The following RNF10 variants were observed in gnomAD, a reference collection of about 807,000 sequenced individuals.
The protein encoded by RNF10 is E3 ubiquitin-protein ligase RNF10.
RNF10 carries 38 observed loss-of-function variants against 91.4 expected under a neutral mutation model. That is an observed-to-expected ratio of 0.42 (90% confidence interval 0.32 to 0.54). RNF10 has a LOEUF of 0.54. Ranked by LOEUF, RNF10 falls within the 20% of genes least tolerant of loss-of-function variation. The pLI is 0.16. For missense variants in RNF10, 945 were observed against 1,012.0 expected, an observed-to-expected ratio of 0.93 and a Z score of 0.90; for synonymous variants, 364 against 366.3, an observed-to-expected ratio of 0.99 and a Z score of 0.07.
intron 1 of RNF10, 59 bp downstream of exon 1, chr12:120,535,027 G>A: frequency 6.7e-7 from 1 of 1,495,448 alleles, no homozygotes; most frequent in South Asian, 1.2e-5. Context: ...GGGGAGAGTC[G>A]TTGCTCTCAT....
At chr12:120,574,519 T>C in intron 14 of RNF10, 1 of 456,114 alleles carries the variant, frequency 2.2e-6, no homozygotes, top group Non-Finnish European at 4.4e-6. Context: ...AAGGAGCTAT[T>C]GGAAAAGCAG....
intron 2 of RNF10, among the ~76,000 whole-genome samples, chr12:120,549,947 T>C (rs1872802891): frequency 6.6e-6 from 1 of 151,598 alleles, no homozygotes; most frequent in African/African-American, 2.4e-5. Flanking sequence ...GGGGAAGGAG[T>C]GTATTCCGGT....
At chr12:120,552,395 G>A (rs1294350639) in intron 2 of RNF10, 104 bp from the exon 3 acceptor site, 13 of 923,796 alleles carry the variant, frequency 1.4e-5, no homozygotes, top group South Asian at 3.3e-5. Context: ...GTAAGACTCC[G>A]TCTCAAAAAA....
intron 3 of RNF10, among the ~76,000 whole-genome samples, 167 bp downstream of exon 3, chr12:120,552,865 C>T (rs1873325209): frequency 6.6e-6 from 1 of 152,004 alleles, no homozygotes; most frequent in Non-Finnish European, 1.5e-5. Flanking sequence ...CTTTTACCCA[C>T]TTTCCAGGTG....
intron 3 of RNF10, among the ~76,000 whole-genome samples, chr12:120,553,401 CTTTTTTTTTTTT>C (rs1243050601): frequency 1.1e-5 from 1 of 95,060 alleles, no homozygotes; most frequent in Non-Finnish European, 2.1e-5. Flanking sequence ...AAGAGGAATT[CTTTTTTTTTTTT>C]TTTTTTTGAG....
chr12:120,549,955 G>T (rs995817931), intron 2 of RNF10, among the ~76,000 whole-genome samples: 1 of 152,070 alleles, frequency 6.6e-6, no homozygotes, highest in South Asian at 2.1e-4. Context: ...AGTGTATTCC[G>T]GTCTGGACAA....
In RNF10 at chr12:120,534,778, G is replaced by T. The variant is rs1166077185; in HGVS notation, c.-34G>T. On this transcript the variant is annotated 5_prime_UTR_variant, in exon 1 of 17. Coordinates refer to ENST00000325954, the MANE Select transcript of RNF10 (RefSeq NM_014868.5). ...CCTGGGTCCCCGCCGCGCCCGCTCC[G>T]CTCCGACTGCCGTCGCCGCCGAGGC... 1.3e-6 allele frequency: 2 copies of T among 1,537,418 alleles called. No individual in the cohort carries two copies. Among genetic ancestry groups the T allele is most frequent in the Middle Eastern group, 1.7e-4 (1 of 5,880 alleles).
intron 14 of RNF10, among the ~76,000 whole-genome samples, chr12:120,573,717 G>A (rs1027560911): frequency 6.6e-6 from 1 of 152,130 alleles, no homozygotes; most frequent in Admixed American, 6.6e-5. Context: ...GAGATCACAT[G>A]GCTAAAGAGG....
rs1238063463 is a variant in RNF10 at position 120,545,656 on chromosome 12, G to A, written c.158-749G>A. 2.6e-5 allele frequency among the ~76,000 whole-genome samples: 4 copies of A among 152,094 alleles called. No individual in the cohort carries two copies. In the South Asian group the frequency reaches 8.3e-4, roughly 32 times the overall value. On this transcript the variant is annotated intron_variant, in intron 1 of 16. Transcript: ENST00000325954. ...AGGTTCAAGCAGTTCTCCTGCCTCAGCCTCCCAAGTATCTGGGATTATAGG... is the reference window on the plus strand; with the variant it reads ...AGGTTCAAGCAGTTCTCCTGCCTCAACCTCCCAAGTATCTGGGATTATAGG...
intron 13 of RNF10, among the ~76,000 whole-genome samples, chr12:120,569,072 G>A (rs1160935531): frequency 6.6e-6 from 1 of 152,194 alleles, no homozygotes; most frequent in African/African-American, 2.4e-5. Flanking sequence ...CTGGGTTCAA[G>A]CGATTCTCCT....
In RNF10 at chr12:120,569,217, C is replaced by G. The variant is rs537221819; in HGVS notation, c.2042-1974C>G. ...CTCCTGACCTCAGGTGATCCGCCAG[C>G]TGACCTCAGGTAATCCACCTGCCTT... On this transcript the variant is annotated intron_variant, in intron 13 of 16. Coordinates refer to ENST00000325954, the MANE Select transcript of RNF10 (RefSeq NM_014868.5). Among the ~76,000 whole-genome samples the G allele has an allele frequency of 4.1e-3, 627 of 152,294 alleles. 2 individuals are homozygous for G. Among genetic ancestry groups the G allele is most frequent in the Non-Finnish European group, 6.6e-3 (447 of 68,012 alleles).
chr12:120,542,448 C>T (rs1182072339), intron 1 of RNF10, among the ~76,000 whole-genome samples: 1 of 152,170 alleles, frequency 6.6e-6, no homozygotes, highest in African/African-American at 2.4e-5. Context: ...GCCACCAAGT[C>T]CAGCGCTGAA....
At chr12:120,566,529 AG>A (rs1205679876) in intron 12 of RNF10, among the ~76,000 whole-genome samples, 1 of 152,156 alleles carries the variant, frequency 6.6e-6, no homozygotes, top group Non-Finnish European at 1.5e-5. Flanking sequence ...TGGGAGGCCA[AG>A]GTGGGCAGAT....
At chr12:120,554,510 C>G in intron 3 of RNF10, 1 of 514,906 alleles carries the variant, frequency 1.9e-6, no homozygotes. Flanking sequence ...GAAAACAGTT[C>G]ATGGATTTAG....
chr12:120,549,318 C>T (rs1159965389), intron 2 of RNF10, among the ~76,000 whole-genome samples: 2 of 152,070 alleles, frequency 1.3e-5, no homozygotes, highest in South Asian at 2.1e-4. Context: ...ACTGCAGAAG[C>T]GTACTAGGAT....
At chr12:120,572,746 G>C (rs987761388) in intron 14 of RNF10, among the ~76,000 whole-genome samples, 1 of 151,324 alleles carries the variant, frequency 6.6e-6, no homozygotes, top group African/African-American at 2.4e-5. Flanking sequence ...GGTTACAGGC[G>C]CCTACCACCA....
intron 6 of RNF10, among the ~76,000 whole-genome samples, chr12:120,559,885 CAG>C (rs1158875394): frequency 6.6e-6 from 1 of 151,422 alleles, no homozygotes; most frequent in African/African-American, 2.4e-5. Context: ...TTAATAGAAA[CAG>C]GGTATCTCTA....
intron 10 of RNF10, among the ~76,000 whole-genome samples, chr12:120,564,845 C>T (rs1875436931): frequency 6.6e-6 from 1 of 152,210 alleles, no homozygotes; most frequent in Non-Finnish European, 1.5e-5. Context: ...ACTCAGTTCA[C>T]TCCTTTGCAG....
chr12:120,569,548 T>TTTTTTTTTTTTTTC lies in RNF10; in HGVS notation c.2042-1642_2042-1641insTTTTTTTTTTTTCT, dbSNP rs1436787119. On this transcript the variant is annotated intron_variant, in intron 13 of 16. Coordinates refer to ENST00000325954, the MANE Select transcript of RNF10 (RefSeq NM_014868.5). The stretch of plus-strand genomic sequence containing the variant: ...ATTTGTGATATGCATCTTTTTTTTT[T>TTTTTTTTTTTTTTC]TGAGACAGGGTCTCGCTCTGTCGCC... Among the ~76,000 whole-genome samples, 15 of 149,722 alleles carry TTTTTTTTTTTTTTC rather than the reference T, an allele frequency of 1.0e-4. 1 individual carries two copies. Among genetic ancestry groups the TTTTTTTTTTTTTTC allele is most frequent in the Admixed American group, 2.7e-4 (4 of 14,890 alleles).
Sources: gnomAD v4.1 joint callset for allele counts (sites outside exome capture counted in the v4.1 genomes callset) on GRCh38, gnomAD v4.1.1 for gene constraint, MANE v1.5 for transcripts, NCBI Gene and HGNC (gene_info 2026-07-23, HGNC 2026-07-21) for gene names.